RABGEF1: variants seen among roughly 807,000 people sequenced by gnomAD.
RABGEF1 encodes rab5 GDP/GTP exchange factor.
In RABGEF1, 26 loss-of-function variants were observed where a neutral mutation model predicts 57.3. The ratio of observed to expected loss-of-function variants is 0.45; its 90% CI spans 0.33 to 0.63. The LOEUF is 0.63. Among genes scored for constraint, RABGEF1 ranks in the 20% least tolerant of loss-of-function variants. The pLI is 0.02. For synonymous variants in RABGEF1, 185 were observed against 210.7 expected, an observed-to-expected ratio of 0.88 and a Z score of 1.06; for missense variants, 464 against 607.6, an observed-to-expected ratio of 0.76 and a Z score of 2.48.
the RABGEF1 span, among the ~76,000 whole-genome samples, chr7:66,676,032 A>G: frequency 6.6e-6 from 1 of 152,074 alleles, no homozygotes; most frequent in Non-Finnish European, 1.5e-5. Flanking sequence ...CAAATATGTG[A>G]TTTTCAGGCC....
intron 1 of RABGEF1, among the ~76,000 whole-genome samples, chr7:66,757,098 T>C (rs954567905): frequency 9.2e-5 from 14 of 152,260 alleles, no homozygotes; most frequent in African/African-American, 3.1e-4. Flanking sequence ...TATGGCCATT[T>C]GTAGTAAACT....
At chr7:66,664,280 A>G in the RABGEF1 span, among the ~76,000 whole-genome samples, 8 of 151,620 alleles carry the variant, frequency 5.3e-5, no homozygotes, top group Non-Finnish European at 7.4e-5. Flanking sequence ...AACACAGGCA[A>G]CTCTTAAAAT....
chr7:66,688,634 G>A (rs970375000), intron 1 of RABGEF1, among the ~76,000 whole-genome samples: 2 of 152,064 alleles, frequency 1.3e-5, no homozygotes, highest in East Asian at 1.9e-4. Flanking sequence ...ACAAATATAT[G>A]GAAAGTAAAC....
At chr7:66,679,221 T>C (rs1789518992), upstream of RABGEF1, among the ~76,000 whole-genome samples, 1 of 152,226 alleles carries the variant, frequency 6.6e-6, no homozygotes, top group Non-Finnish European at 1.5e-5. Flanking sequence ...GATATTTGCA[T>C]AGGAGCACAG....
intron 1 of RABGEF1, among the ~76,000 whole-genome samples, chr7:66,698,491 A>T (rs1792703321): frequency 6.6e-6 from 1 of 152,208 alleles, no homozygotes; most frequent in Admixed American, 6.5e-5. Flanking sequence ...AGGCGCAAAC[A>T]GTTCCTTGGT....
the RABGEF1 span, among the ~76,000 whole-genome samples, chr7:66,665,501 A>G: frequency 6.6e-6 from 1 of 151,916 alleles, no homozygotes; most frequent in African/African-American, 2.4e-5. Flanking sequence ...TGAGCTAGAA[A>G]CTGTGGTCCC....
the RABGEF1 span, among the ~76,000 whole-genome samples, chr7:66,663,018 C>T: frequency 1.3e-4 from 20 of 152,222 alleles, no homozygotes; most frequent in Non-Finnish European, 2.4e-4. Context: ...TGTGGATTTA[C>T]GGGAATGAGG....
the RABGEF1 span, among the ~76,000 whole-genome samples, chr7:66,662,574 T>G: frequency 6.6e-6 from 1 of 152,174 alleles, no homozygotes; most frequent in Admixed American, 6.5e-5. Context: ...GCAGGGAGGC[T>G]TCCCAATGGG....
At chr7:66,761,341 A>T (rs1415828098) in intron 1 of RABGEF1, among the ~76,000 whole-genome samples, 1 of 152,196 alleles carries the variant, frequency 6.6e-6, no homozygotes, top group African/African-American at 2.4e-5. Flanking sequence ...ACCAGCTTCA[A>T]GTTGGGGTTC....
chr7:66,776,850 A>G (rs1808683437), intron 3 of RABGEF1, among the ~76,000 whole-genome samples: 1 of 152,194 alleles, frequency 6.6e-6, no homozygotes, highest in South Asian at 2.1e-4. Flanking sequence ...CTCATGATTT[A>G]TTTATTAGGA....
At chr7:66,783,145 T>G (rs1810361891) in intron 3 of RABGEF1, among the ~76,000 whole-genome samples, 1 of 152,266 alleles carries the variant, frequency 6.6e-6, no homozygotes, top group Admixed American at 6.5e-5. Flanking sequence ...TCTTTCACTT[T>G]GATCAGTATG....
chr7:66,668,950 G>T, the RABGEF1 span: 1 of 152,288 alleles, frequency 6.6e-6, no homozygotes, highest in Admixed American at 6.5e-5. Context: ...GCTGTGAGTA[G>T]CAGATCCAAG....
At chr7:66,681,599 T>C (rs1354392729), upstream of RABGEF1, among the ~76,000 whole-genome samples, 1 of 151,808 alleles carries the variant, frequency 6.6e-6, no homozygotes, top group Admixed American at 6.6e-5. Context: ...ATGGGGGCTC[T>C]CCCTCTGTGG....
the RABGEF1 span, among the ~76,000 whole-genome samples, chr7:66,673,402 G>C: frequency 5.9e-4 from 90 of 152,156 alleles, no homozygotes; most frequent in African/African-American, 2.1e-3. Flanking sequence ...GACCATCGTG[G>C]ATGTGGGTGT....
the RABGEF1 span, among the ~76,000 whole-genome samples, chr7:66,664,137 G>A: frequency 2.0e-5 from 3 of 151,624 alleles, no homozygotes; most frequent in East Asian, 5.8e-4. Flanking sequence ...AAAATAAGGA[G>A]TGAAAAGAGT....
the RABGEF1 span, among the ~76,000 whole-genome samples, chr7:66,664,758 G>A: frequency 1.3e-5 from 2 of 152,198 alleles, no homozygotes; most frequent in South Asian, 2.1e-4. Context: ...CCGGTGCGCC[G>A]GCGGCTGCCG....
chr7:66,677,464 GT>G (rs1425979726), upstream of RABGEF1, among the ~76,000 whole-genome samples: 1 of 152,102 alleles, frequency 6.6e-6, no homozygotes, highest in Non-Finnish European at 1.5e-5. Flanking sequence ...ACTTTTCTCT[GT>G]TTATAGAAAT....
chr7:66,745,648 G>A (rs1800025312), intron 1 of RABGEF1, among the ~76,000 whole-genome samples: 1 of 151,740 alleles, frequency 6.6e-6, no homozygotes, highest in Admixed American at 6.6e-5. Context: ...GTGCGCCTGT[G>A]ATCTCAGCTA....
At chr7:66,786,774 A>G (rs2129147946) in intron 4 of RABGEF1, among the ~76,000 whole-genome samples, 1 of 152,290 alleles carries the variant, frequency 6.6e-6, no homozygotes, top group African/African-American at 2.4e-5. Flanking sequence ...CTTTCTTGCT[A>G]GTCTTACTAG....
Sources: allele counts gnomAD v4.1 joint callset (sites outside exome capture counted in the v4.1 genomes callset), GRCh38; gene constraint gnomAD v4.1.1; transcripts MANE v1.5; gene names NCBI Gene and HGNC (gene_info 2026-07-23, HGNC 2026-07-21).